Variants in PAXIP1 observed in about 807,000 individuals in gnomAD.
PAXIP1 encodes PAX-interacting protein 1.
In PAXIP1, 19 loss-of-function variants were observed where a neutral mutation model predicts 140.6. The observed-to-expected ratio is 0.14, with a 90% CI of 0.09 to 0.20. The LOEUF (loss-of-function observed/expected upper bound fraction) is 0.20. Ranked by LOEUF, PAXIP1 falls within the 10% of genes least tolerant of loss-of-function variation. The pLI is 1.00. For missense variants in PAXIP1, 920 were observed against 1,208.6 expected, an observed-to-expected ratio of 0.76 and a Z score of 3.54; for synonymous variants, 442 against 444.6, an observed-to-expected ratio of 0.99 and a Z score of 0.07.
chr7:154,981,167 G>A (rs1022403498), intron 5 of PAXIP1, among the ~76,000 whole-genome samples: 2 of 152,104 alleles, frequency 1.3e-5, no homozygotes, highest in Non-Finnish European at 2.9e-5. Context: ...ACAGAACGGG[G>A]TTAGAGAAAG....
chr7:154,971,298 G>A (rs1455235167), intron 6 of PAXIP1, among the ~76,000 whole-genome samples: 1 of 152,196 alleles, frequency 6.6e-6, no homozygotes, highest in Non-Finnish European at 1.5e-5. Context: ...CTTAACAGCT[G>A]TTTCTACTAC....
intron 6 of PAXIP1, among the ~76,000 whole-genome samples, chr7:154,972,495 C>A (rs561699845): frequency 2.2e-4 from 33 of 152,244 alleles, no homozygotes; most frequent in African/African-American, 7.7e-4. Context: ...TCTCAAAAAA[C>A]AACCAAAACA....
chr7:154,946,225 A>C lies in PAXIP1; in HGVS notation c.3194+140T>G, dbSNP rs1807967318. The stretch of plus-strand genomic sequence containing the variant: ...CTCAAATGAATATTCTGAAGAGAAA[A>C]GAATTGTTCACTGCATAAATCACAA... On this transcript the variant is annotated intron_variant, in intron 20 of 20. Transcript: ENST00000404141. The surrounding 1 kb of genome is among the most constrained non-coding windows in gnomAD (Gnocchi z 4.9). 6.8e-7 allele frequency: 1 copy of C among 1,478,940 alleles called. No homozygotes were observed. Among genetic ancestry groups the C allele is most frequent in the South Asian group, 1.4e-5 (1 of 70,398 alleles). The allele number at this position is 1,478,940 out of a possible 1,614,324, so 91.6% of individuals were successfully genotyped here.
At chr7:154,995,473 A>G (rs796768700) in intron 2 of PAXIP1, among the ~76,000 whole-genome samples, 40 of 152,344 alleles carry the variant, frequency 2.6e-4, no homozygotes, top group African/African-American at 9.4e-4. Flanking sequence ...ATTAGGATGT[A>G]GGCCACAGTA....
intron 2 of PAXIP1, among the ~76,000 whole-genome samples, chr7:154,997,927 C>T (rs912377049): frequency 2.6e-5 from 4 of 152,248 alleles, no homozygotes; most frequent in Admixed American, 6.5e-5. Flanking sequence ...TACCTCCCGA[C>T]AGGCCTTAGC....
intron 2 of PAXIP1, among the ~76,000 whole-genome samples, chr7:154,996,675 A>G (rs2094504595): frequency 6.6e-6 from 1 of 152,232 alleles, no homozygotes; most frequent in Non-Finnish European, 1.5e-5. Context: ...AGCAGCAGCC[A>G]TGCCCAAGTG....
chr7:154,986,822 C>T lies in PAXIP1; in HGVS notation c.325-3490G>A, dbSNP rs1810096783. Among the ~76,000 whole-genome samples, 1 of 152,110 alleles carries T rather than the reference C, an allele frequency of 6.6e-6. No individual in the cohort carries two copies. The highest frequency in any genetic ancestry group is 2.1e-4 in the South Asian group (1 of 4,832). On this transcript the variant is annotated intron_variant, in intron 4 of 20. Coordinates refer to ENST00000404141, the MANE Select transcript of PAXIP1 (RefSeq NM_007349.4). This position sits in a 1 kb window ranked among gnomAD's most constrained non-coding sequence, Gnocchi z 4.8. ...AACTGCGGGAAGTACAGTAAGTGACCCACAAAGATCATGCTATTTCTGGAT... is the reference window on the plus strand; with the variant it reads ...AACTGCGGGAAGTACAGTAAGTGACTCACAAAGATCATGCTATTTCTGGAT...
intron 10 of PAXIP1, among the ~76,000 whole-genome samples, chr7:154,961,973 T>A (rs1364911175): frequency 6.6e-6 from 1 of 152,220 alleles, no homozygotes; most frequent in South Asian, 2.1e-4. Context: ...TCCTCACTGA[T>A]CCCAACGCTG....
At chr7:154,996,261 C>T (rs1439999050) in intron 2 of PAXIP1, among the ~76,000 whole-genome samples, 1 of 152,180 alleles carries the variant, frequency 6.6e-6, no homozygotes, top group Non-Finnish European at 1.5e-5. Flanking sequence ...AGTACTCTAC[C>T]ACCTTGTAAT....
intron 15 of PAXIP1, among the ~76,000 whole-genome samples, chr7:154,955,219 C>T (rs1808451631): frequency 6.6e-6 from 1 of 152,176 alleles, no homozygotes; most frequent in African/African-American, 2.4e-5. Flanking sequence ...TTCCTTCATG[C>T]TGGATGTCTT....
chr7:154,954,175 T>C lies in PAXIP1; in HGVS notation c.2821+80A>G, dbSNP rs1808406862. 2 of 960,094 alleles carry C rather than the reference T, an allele frequency of 2.1e-6. No homozygotes were observed. The highest frequency in any genetic ancestry group is 1.5e-6 in the Non-Finnish European group (1 of 688,340). The allele number at this position is 960,094 out of a possible 1,614,324, so 59.5% of individuals were successfully genotyped here. A position where few individuals can be genotyped will look rare whatever the true frequency, so the allele number is the denominator to read the frequency against. Reference sequence around the variant, plus strand: ...ACATAGTTTAAAAATTAAATATTTGTTGGGATGAAAAGAGATGAATTCAAG... The same window carrying C: ...ACATAGTTTAAAAATTAAATATTTGCTGGGATGAAAAGAGATGAATTCAAG... On this transcript the variant is annotated intron_variant, in intron 16 of 20. Coordinates refer to ENST00000404141, the MANE Select transcript of PAXIP1 (RefSeq NM_007349.4). This position sits in a 1 kb window ranked among gnomAD's most constrained non-coding sequence, Gnocchi z 5.1.
chr7:154,982,838 C>T (rs1161045962), intron 5 of PAXIP1, among the ~76,000 whole-genome samples: 1 of 152,110 alleles, frequency 6.6e-6, no homozygotes, highest in African/African-American at 2.4e-5. Context: ...AATTTCACCA[C>T]ACACGTTTAT....
At chr7:154,952,277 T>C (rs1294015907) in intron 16 of PAXIP1, 1 of 152,236 alleles carries the variant, frequency 6.6e-6, no homozygotes, top group Non-Finnish European at 1.5e-5. Flanking sequence ...AATCAGTGTC[T>C]GTGGCACTTC....
rs1808076842 is a variant in PAXIP1, at chr7:154,948,023, A to G, written c.2822-20T>C. On this transcript the variant is annotated intron_variant, in intron 16 of 20. Transcript: ENST00000404141. ...GCTCATCTGGAAAACAGAACAGCAC[A>G]TACTCTGAAAAGTGTGGACACGTGA... 3.9e-6 allele frequency: 6 copies of G among 1,547,412 alleles called. No individual in the cohort carries two copies. Among genetic ancestry groups the G allele is most frequent in the Non-Finnish European group, 5.4e-6 (6 of 1,119,294 alleles).
chr7:154,959,333 G>A (rs538451891), intron 13 of PAXIP1, among the ~76,000 whole-genome samples: 1 of 152,286 alleles, frequency 6.6e-6, no homozygotes, highest in East Asian at 1.9e-4. Flanking sequence ...AAAAAAAACT[G>A]CTGTTCTCAA....
At chr7:154,970,531 A>G (rs868794055) in intron 6 of PAXIP1, among the ~76,000 whole-genome samples, 8 of 152,272 alleles carry the variant, frequency 5.3e-5, no homozygotes, top group South Asian at 2.1e-4. Context: ...TCTAAGCAGA[A>G]AAATGTCTTT....
chr7:154,953,963 T>C (rs528500289), intron 16 of PAXIP1, among the ~76,000 whole-genome samples: 3 of 152,282 alleles, frequency 2.0e-5, no homozygotes, highest in African/African-American at 7.2e-5. Flanking sequence ...AAAAATCTCA[T>C]TTTACAGCCA....
In PAXIP1 at chr7:154,990,991, T is replaced by C. The variant is rs899366254; in HGVS notation, c.324+15A>G. ...CACATATAAATAACTCAAGACTAAC[T>C]GTAACCATGCTTACCTGAGAAAGGC... On this transcript the variant is annotated intron_variant, in intron 4 of 20. Transcript: ENST00000404141. 1.3e-6 allele frequency: 2 copies of C among 1,513,400 alleles called. No homozygotes were observed. The highest frequency in any genetic ancestry group is 4.2e-5 in the Admixed American group (2 of 48,160). 93.7% of individuals were successfully genotyped at this position (1,513,400 alleles called of 1,614,324 possible). A position where few individuals can be genotyped will look rare whatever the true frequency, so the allele number is the denominator to read the frequency against.
chr7:154,944,281 C>CT, intron 20 of PAXIP1, 117 bp from the exon 21 acceptor site: 2 of 848,324 alleles, frequency 2.4e-6, no homozygotes, highest in Non-Finnish European at 3.7e-6. Context: ...GCTACAGCCT[C>CT]TTTCTTACCC....
Sources: allele counts gnomAD v4.1 joint callset (sites outside exome capture counted in the v4.1 genomes callset), GRCh38; gene constraint gnomAD v4.1.1; non-coding constraint Gnocchi (gnomAD v3.1); transcripts MANE v1.5; gene names NCBI Gene and HGNC (gene_info 2026-07-23, HGNC 2026-07-21).